Variants in SGCZ observed in about 807,000 individuals in gnomAD.
SGCZ encodes zeta-sarcoglycan.
A neutral mutation model predicts 41.3 loss-of-function variants in SGCZ; 40 were observed. The ratio of observed to expected loss-of-function variants is 0.97; its 90% CI spans 0.75 to 1.26. SGCZ has a LOEUF of 1.26. Among genes scored for constraint, SGCZ ranks in the 50% most tolerant of loss-of-function variants. The pLI is 0.00. For missense variants in SGCZ, 552 were observed against 369.8 expected, an observed-to-expected ratio of 1.49 and a Z score of -4.04; for synonymous variants, 206 against 137.5, an observed-to-expected ratio of 1.50 and a Z score of -3.49.
intron 1 of SGCZ, among the ~76,000 whole-genome samples, chr8:15,157,443 C>A (rs375327374): frequency 9.2e-5 from 14 of 151,418 alleles, no homozygotes; most frequent in Non-Finnish European, 2.1e-4. Flanking sequence ...AAAAGTAGCC[C>A]GTAATTTTTT....
chr8:14,798,737 A>G (rs890321258), intron 1 of SGCZ, among the ~76,000 whole-genome samples: 8 of 151,926 alleles, frequency 5.3e-5, no homozygotes, highest in Non-Finnish European at 1.2e-4. Context: ...TCATTTTTAT[A>G]TTAGATTATG....
At chr8:14,213,427 T>G (rs1805884541) in intron 4 of SGCZ, among the ~76,000 whole-genome samples, 1 of 152,098 alleles carries the variant, frequency 6.6e-6, no homozygotes, top group South Asian at 2.1e-4. Context: ...AAGGAACTAT[T>G]TACCTCAATT....
chr8:14,986,266 T>C (rs1474889591), intron 1 of SGCZ, among the ~76,000 whole-genome samples: 1 of 152,104 alleles, frequency 6.6e-6, no homozygotes, highest in African/African-American at 2.4e-5. Flanking sequence ...TATTACACAT[T>C]ATAGAAAACT....
intron 1 of SGCZ, among the ~76,000 whole-genome samples, chr8:14,742,135 C>T (rs1434448019): frequency 6.6e-6 from 1 of 151,912 alleles, no homozygotes; most frequent in Non-Finnish European, 1.5e-5. Context: ...AGACAAGAAA[C>T]ATGAGCCTAA....
At chr8:14,475,170 A>G (rs1801322633) in intron 2 of SGCZ, among the ~76,000 whole-genome samples, 2 of 152,206 alleles carry the variant, frequency 1.3e-5, no homozygotes, top group African/African-American at 4.8e-5. Flanking sequence ...ACTATTAAAA[A>G]GCAAAAGAAT....
intron 1 of SGCZ, among the ~76,000 whole-genome samples, chr8:14,993,434 G>C (rs1802095239): frequency 6.6e-6 from 1 of 152,084 alleles, no homozygotes; most frequent in African/African-American, 2.4e-5. Flanking sequence ...AAATCATGGG[G>C]CTGATATTCT....
intron 4 of SGCZ, among the ~76,000 whole-genome samples, chr8:14,220,899 T>A (rs890381073): frequency 4.0e-4 from 61 of 152,330 alleles, no homozygotes; most frequent in African/African-American, 1.3e-3. Flanking sequence ...AAATTTGTTA[T>A]CTTAAGTTGT....
At chr8:15,063,159 C>A (rs13254178) in intron 1 of SGCZ, among the ~76,000 whole-genome samples, 1 of 151,856 alleles carries the variant, frequency 6.6e-6, no homozygotes, top group East Asian at 1.9e-4. Flanking sequence ...TATGATTTCC[C>A]ACTAGTTCGA....
chr8:15,110,518 A>G (rs1807006947), intron 1 of SGCZ, among the ~76,000 whole-genome samples: 2 of 152,234 alleles, frequency 1.3e-5, no homozygotes, highest in African/African-American at 4.8e-5. Flanking sequence ...ATTGTCCTCC[A>G]GCCCACAGGG....
intron 1 of SGCZ, among the ~76,000 whole-genome samples, chr8:14,975,260 C>T (rs1482201054): frequency 2.0e-5 from 3 of 152,060 alleles, no homozygotes; most frequent in East Asian, 1.9e-4. Context: ...GAGCCAAGAT[C>T]GCACCACTGC....
chr8:14,709,981 G>A (rs1245688980), intron 1 of SGCZ, among the ~76,000 whole-genome samples: 3 of 152,130 alleles, frequency 2.0e-5, no homozygotes, highest in Non-Finnish European at 2.9e-5. Context: ...CTCAAACCAG[G>A]TGCTAAGCAC....
At chr8:15,162,198 G>T (rs1799529694) in intron 1 of SGCZ, among the ~76,000 whole-genome samples, 1 of 152,142 alleles carries the variant, frequency 6.6e-6, no homozygotes, top group Non-Finnish European at 1.5e-5. Flanking sequence ...GACCTGTTAA[G>T]AAAGTGGACA....
rs556944063 is a variant in SGCZ at position 14,444,695 on chromosome 8, G to C, written c.234+110037C>G. Among the ~76,000 whole-genome samples, 89 of 151,590 alleles carry C rather than the reference G, an allele frequency of 5.9e-4. 1 individual carries two copies. Among genetic ancestry groups the C allele is most frequent in the African/African-American group, 2.1e-3 (86 of 41,264 alleles). On this transcript the variant is annotated intron_variant, in intron 2 of 7. Transcript: ENST00000382080. ...GGGGATGGGGGAGGGATAGCTTTAG[G>C]AGATATACCTAATGCTAAATGACGA...
At chr8:14,112,028 A>T (rs1802385852) in intron 5 of SGCZ, among the ~76,000 whole-genome samples, 1 of 152,148 alleles carries the variant, frequency 6.6e-6, no homozygotes, top group Non-Finnish European at 1.5e-5. Flanking sequence ...ACCGATTGAC[A>T]TCCATGTATT....
At chr8:14,410,143 A>G (rs1799320128) in intron 2 of SGCZ, among the ~76,000 whole-genome samples, 1 of 152,138 alleles carries the variant, frequency 6.6e-6, no homozygotes, top group Non-Finnish European at 1.5e-5. Context: ...CTAGGGATCT[A>G]GATTGTGTGC....
At chr8:15,097,195 C>T (rs994035007) in intron 1 of SGCZ, among the ~76,000 whole-genome samples, 1 of 152,184 alleles carries the variant, frequency 6.6e-6, no homozygotes, top group African/African-American at 2.4e-5. Context: ...ACCCTACCGA[C>T]AGTTTCACCA....
chr8:14,400,786 T>C (rs939175206), intron 2 of SGCZ, among the ~76,000 whole-genome samples: 2 of 152,230 alleles, frequency 1.3e-5, no homozygotes, highest in South Asian at 2.1e-4. Flanking sequence ...AAGTAAAATA[T>C]ATGCACACAT....
At chr8:15,212,976 C>T (rs868032235) in intron 1 of SGCZ, among the ~76,000 whole-genome samples, 1 of 151,872 alleles carries the variant, frequency 6.6e-6, no homozygotes, top group East Asian at 1.9e-4. Context: ...AATGTTTCTG[C>T]TTAACATCAT....
chr8:14,405,895 G>A (rs1585464831), intron 2 of SGCZ, among the ~76,000 whole-genome samples: 1 of 152,108 alleles, frequency 6.6e-6, no homozygotes, highest in Non-Finnish European at 1.5e-5. Flanking sequence ...TTTAGTGGGA[G>A]CTGAGCAGGT....
Sources: allele counts gnomAD v4.1 joint callset (sites outside exome capture counted in the v4.1 genomes callset), GRCh38; gene constraint gnomAD v4.1.1; transcripts MANE v1.5; gene names NCBI Gene and HGNC (gene_info 2026-07-23, HGNC 2026-07-21).